The following RNLS variants were observed in gnomAD, a reference collection of about 807,000 sequenced individuals.
RNLS encodes renalase, FAD dependent amine oxidase, also known as renalase.
RNLS carries 39 observed loss-of-function variants against 39.8 expected under a neutral mutation model. The observed-to-expected ratio is 0.98, with a 90% CI of 0.76 to 1.28. The LOEUF is 1.28. Among genes scored for constraint, RNLS ranks in the 50% most tolerant of loss-of-function variants. The pLI is 0.00. For synonymous variants in RNLS, 147 were observed against 150.7 expected, an observed-to-expected ratio of 0.98 and a Z score of 0.18; for missense variants, 410 against 413.3, an observed-to-expected ratio of 0.99 and a Z score of 0.07.
chr10:88,482,981 C>T (rs1844285840), intron 4 of RNLS, among the ~76,000 whole-genome samples: 1 of 151,826 alleles, frequency 6.6e-6, no homozygotes, highest in Non-Finnish European at 1.5e-5. Context: ...TTCCTCCATC[C>T]CTTTCTTCCT....
chr10:88,511,199 A>C (rs1846105940), intron 4 of RNLS, among the ~76,000 whole-genome samples: 3 of 152,090 alleles, frequency 2.0e-5, no homozygotes, highest in African/African-American at 7.2e-5. Flanking sequence ...CTGCACTGAG[A>C]AACTCAGTCC....
At chr10:88,176,612 T>C in the RNLS span, among the ~76,000 whole-genome samples, 17 of 152,348 alleles carry the variant, frequency 1.1e-4, no homozygotes, top group Non-Finnish European at 2.4e-4. Flanking sequence ...CTATTGTTTA[T>C]CTTTGTGGTT....
At chr10:88,468,997 A>G (rs972546143) in intron 4 of RNLS, among the ~76,000 whole-genome samples, 1 of 152,220 alleles carries the variant, frequency 6.6e-6, no homozygotes, top group Non-Finnish European at 1.5e-5. Context: ...TTTTTGAAGA[A>G]TATTTAATGT....
the RNLS span, among the ~76,000 whole-genome samples, chr10:88,254,122 C>G: frequency 6.6e-6 from 1 of 152,168 alleles, no homozygotes; most frequent in African/African-American, 2.4e-5. Flanking sequence ...ATGTCCCATT[C>G]TCACTCTCAT....
At chr10:88,489,667 C>T (rs1476835503) in intron 4 of RNLS, among the ~76,000 whole-genome samples, 1 of 152,166 alleles carries the variant, frequency 6.6e-6, no homozygotes, top group Admixed American at 6.6e-5. Flanking sequence ...GCAGAGAGGG[C>T]CACATCAATG....
chr10:88,500,091 C>T (rs912821387), intron 4 of RNLS, among the ~76,000 whole-genome samples: 14 of 152,080 alleles, frequency 9.2e-5, no homozygotes, highest in African/African-American at 3.4e-4. Flanking sequence ...AGTTAGTACA[C>T]AATTTTAACG....
At chr10:88,506,737 C>T (rs1247924511) in intron 4 of RNLS, among the ~76,000 whole-genome samples, 1 of 151,968 alleles carries the variant, frequency 6.6e-6, no homozygotes, top group Non-Finnish European at 1.5e-5. Context: ...AAATTTCATG[C>T]AACACATGCC....
At chr10:88,236,525 CA>C in the RNLS span, among the ~76,000 whole-genome samples, 1 of 152,108 alleles carries the variant, frequency 6.6e-6, no homozygotes, top group Non-Finnish European at 1.5e-5. Context: ...AGGGTGGTAC[CA>C]AGGTAAATGG....
intron 4 of RNLS, among the ~76,000 whole-genome samples, chr10:88,500,031 G>C (rs1845387667): frequency 6.6e-6 from 1 of 152,114 alleles, no homozygotes; most frequent in Non-Finnish European, 1.5e-5. Flanking sequence ...ATTGTAAGTA[G>C]CCTTTACAGT....
chr10:88,480,609 A>G lies in RNLS; in HGVS notation c.526+92294T>C, dbSNP rs188051941. On this transcript the variant is annotated intron_variant, in intron 4 of 6. Transcript: ENST00000331772. ...GCTAATTTTGTATTTTTTAGTAGAG[A>G]TGGAGTTTCTCCATGTTGATCAGGC... is the stretch of plus-strand genomic sequence containing the variant. 2.6e-5 allele frequency among the ~76,000 whole-genome samples: 4 copies of G among 152,228 alleles called. No individual in the cohort carries two copies. The East Asian group carries it at 7.7e-4, about 29-fold the overall frequency.
intron 4 of RNLS, among the ~76,000 whole-genome samples, chr10:88,379,211 TAATGTTG>T (rs1239532061): frequency 6.6e-6 from 1 of 152,234 alleles, no homozygotes; most frequent in Non-Finnish European, 1.5e-5. Flanking sequence ...ATATATGTTT[TAATGTTG>T]AAGAGTGAAT....
intron 4 of RNLS, among the ~76,000 whole-genome samples, chr10:88,431,676 G>C (rs75281503): frequency 6.6e-6 from 1 of 151,542 alleles, no homozygotes; most frequent in African/African-American, 2.4e-5. Context: ...TTGTATTTTC[G>C]CATTAATTCA....
chr10:88,365,557 G>T (rs1413408301), intron 4 of RNLS, among the ~76,000 whole-genome samples: 1 of 137,128 alleles, frequency 7.3e-6, no homozygotes, highest in Non-Finnish European at 1.6e-5. Flanking sequence ...ACACACACAC[G>T]TACGTATATG....
chr10:88,302,967 A>G (rs1413523274), intron 6 of RNLS, among the ~76,000 whole-genome samples: 9 of 152,178 alleles, frequency 5.9e-5, no homozygotes, highest in Admixed American at 5.9e-4. Flanking sequence ...TTCAGAAGGA[A>G]GGCACCCAAA....
intron 5 of RNLS, among the ~76,000 whole-genome samples, chr10:88,346,508 G>A (rs1194942221): frequency 2.0e-5 from 3 of 152,106 alleles, no homozygotes; most frequent in South Asian, 2.1e-4. Flanking sequence ...GCAATTAAAC[G>A]AAGAGCTTAT....
At chr10:88,470,591 T>C (rs1242270371) in intron 4 of RNLS, among the ~76,000 whole-genome samples, 5 of 151,480 alleles carry the variant, frequency 3.3e-5, no homozygotes, top group African/African-American at 1.2e-4. Context: ...AATGGTAACA[T>C]ACTATACAAA....
chr10:88,202,941 A>C, the RNLS span, among the ~76,000 whole-genome samples: 3 of 151,998 alleles, frequency 2.0e-5, no homozygotes, highest in African/African-American at 7.2e-5. Context: ...CCAGTTCAGC[A>C]GACTTCCTGC....
At chr10:88,518,763 G>A (rs1846542985) in intron 4 of RNLS, among the ~76,000 whole-genome samples, 1 of 151,944 alleles carries the variant, frequency 6.6e-6, no homozygotes, top group African/African-American at 2.4e-5. Context: ...GGGTACTACA[G>A]GTCAGCTCCT....
intron 4 of RNLS, among the ~76,000 whole-genome samples, chr10:88,431,744 T>C (rs576956536): frequency 6.6e-6 from 1 of 151,868 alleles, no homozygotes; most frequent in Admixed American, 6.6e-5. Context: ...TTTGGAAGTA[T>C]GTTATGTAGT....
Sources: allele counts gnomAD v4.1 joint callset (sites outside exome capture counted in the v4.1 genomes callset), GRCh38; gene constraint gnomAD v4.1.1; transcripts MANE v1.5; gene names NCBI Gene and HGNC (gene_info 2026-07-23, HGNC 2026-07-21).